The following PCSK5 variants were observed in gnomAD, a reference collection of about 807,000 sequenced individuals.
The protein encoded by PCSK5 is proprotein convertase subtilisin/kexin type 5, also known as prohormone convertase 5.
Under a neutral mutation model 233.2 loss-of-function variants are expected in PCSK5, and 129 were observed. That is an observed-to-expected ratio of 0.55 (90% CI 0.48 to 0.64). The LOEUF is 0.64. Among genes scored for constraint, PCSK5 ranks in the 30% least tolerant of loss-of-function variants. The probability of loss-of-function intolerance (pLI) is 0.00; values close to 1 mark genes in which losing one functional copy is unlikely to be tolerated. For synonymous variants in PCSK5, 825 were observed against 879.2 expected (o/e 0.94, Z 1.09); for missense variants, 2,076 against 2,430.1 (o/e 0.85, Z 3.06).
chr9:76,188,780 C>A (rs751666159), intron 18 of PCSK5, 105 bp downstream of exon 18: 1 of 796,048 alleles, frequency 1.3e-6, no homozygotes, highest in Non-Finnish European at 2.1e-6. Flanking sequence ...TAAAGTAATG[C>A]TGGAAAAGTT....
chr9:76,005,182 T>C (rs112689681), intron 3 of PCSK5, among the ~76,000 whole-genome samples: 6 of 152,344 alleles, frequency 3.9e-5, no homozygotes, highest in South Asian at 2.1e-4. Flanking sequence ...CACAAACTTA[T>C]GTACAATTTA....
At chr9:75,914,656 A>G (rs1410430413) in intron 1 of PCSK5, among the ~76,000 whole-genome samples, 2 of 152,288 alleles carry the variant, frequency 1.3e-5, no homozygotes, top group African/African-American at 4.8e-5. Context: ...AAGTTCTATT[A>G]TGAAAGCAGC....
At position 76,003,985 on chromosome 9, in the gene PCSK5, A is replaced by G. The variant is rs140181517; in HGVS notation, c.411+17740A>G. 2.9e-3 allele frequency among the ~76,000 whole-genome samples: 439 copies of G among 152,192 alleles called. 2 individuals carry two copies. Among genetic ancestry groups the G allele is most frequent in the African/African-American group, 0.01 (419 of 41,516 alleles). ...TAATTTTTTTATTTTTATTTTTTGT[A>G]GAGCAGGGTTTCGTGTTCCGTAGGT... On this transcript the variant is annotated intron_variant, in intron 3 of 37. Transcript: ENST00000674117.
intron 1 of PCSK5, among the ~76,000 whole-genome samples, chr9:75,926,074 G>A (rs1284702697): frequency 6.6e-6 from 1 of 152,076 alleles, no homozygotes; most frequent in Non-Finnish European, 1.5e-5. Context: ...TGAGCTGGCG[G>A]ACACATTCCA....
intron 16 of PCSK5, among the ~76,000 whole-genome samples, chr9:76,182,284 C>G (rs1189264131): frequency 6.6e-6 from 1 of 152,026 alleles, no homozygotes; most frequent in Non-Finnish European, 1.5e-5. Context: ...TGTATGATAT[C>G]AAAATATACT....
Position 75,994,363 on chromosome 9 carries a change from C to T in PCSK5, c.411+8118C>T, listed in dbSNP as rs1289523466. Among the ~76,000 whole-genome samples, 4 of 148,432 alleles carry T rather than the reference C, an allele frequency of 2.7e-5. 1 individual carries two copies. Among genetic ancestry groups the T allele is most frequent in the Middle Eastern group, 3.6e-3 (1 of 274 alleles). ...TACTACAACAGCTAGTTATCCGCCT[C>T]CCAACCTCCCAGTTTCTTTCTTTTC... is the stretch of plus-strand genomic sequence containing the variant. On this transcript the variant is annotated intron_variant, in intron 3 of 37. Transcript: ENST00000674117.
intron 7 of PCSK5, among the ~76,000 whole-genome samples, chr9:76,087,645 C>T (rs1339159013): frequency 1.3e-5 from 2 of 152,122 alleles, no homozygotes; most frequent in African/African-American, 4.8e-5. Context: ...TTGATATGCT[C>T]AGGAAGCACA....
intron 2 of PCSK5, among the ~76,000 whole-genome samples, chr9:75,957,612 CTG>C (rs1825150854): frequency 6.6e-6 from 1 of 152,148 alleles, no homozygotes; most frequent in African/African-American, 2.4e-5. Context: ...GAAATGGTGA[CTG>C]TAGTAGGATC....
chr9:75,936,975 TCTC>T (rs36102152), intron 2 of PCSK5, among the ~76,000 whole-genome samples: 40,476 of 151,858 alleles, frequency 0.27, 5,564 homozygotes, highest in East Asian at 0.45. Context: ...AGAACAGTAA[TCTC>T]CTTGTAAATT....
intron 24 of PCSK5, among the ~76,000 whole-genome samples, chr9:76,251,758 T>C (rs1826815625): frequency 6.6e-6 from 1 of 152,024 alleles, no homozygotes; most frequent in East Asian, 1.9e-4. Context: ...GGAATAGATA[T>C]AATAATTATT....
intron 26 of PCSK5, among the ~76,000 whole-genome samples, chr9:76,296,078 G>A (rs537538275): frequency 6.6e-6 from 1 of 152,260 alleles, no homozygotes; most frequent in African/African-American, 2.4e-5. Flanking sequence ...AAAGGACTTA[G>A]GTAAAGTGTT....
At chr9:76,044,185 C>A (rs1357547250) in intron 5 of PCSK5, among the ~76,000 whole-genome samples, 1 of 152,144 alleles carries the variant, frequency 6.6e-6, no homozygotes, top group Non-Finnish European at 1.5e-5. Context: ...ACGTAAGGAA[C>A]AACTTCAGAT....
intron 20 of PCSK5, among the ~76,000 whole-genome samples, chr9:76,200,089 TC>T (rs1824859126): frequency 2.0e-5 from 3 of 151,910 alleles, no homozygotes; most frequent in Admixed American, 6.6e-5. Flanking sequence ...CCCAGACTTC[TC>T]CCTCTCCTCT....
chr9:76,035,802 T>C (rs1361517399), intron 5 of PCSK5, among the ~76,000 whole-genome samples: 1 of 152,176 alleles, frequency 6.6e-6, no homozygotes, highest in Non-Finnish European at 1.5e-5. Context: ...TCTTGTTTCC[T>C]TATGTTTAGA....
At chr9:75,994,440 T>TGAGA (rs1222006417) in intron 3 of PCSK5, among the ~76,000 whole-genome samples, 4 of 103,860 alleles carry the variant, frequency 3.9e-5, no homozygotes, top group Non-Finnish European at 5.6e-5. Flanking sequence ...TTTTTTTTTT[T>TGAGA]TTGAGATGGA....
At chr9:76,034,650 C>T (rs1469910904) in intron 5 of PCSK5, among the ~76,000 whole-genome samples, 4 of 152,100 alleles carry the variant, frequency 2.6e-5, no homozygotes, top group Non-Finnish European at 5.9e-5. Flanking sequence ...TCTCTCATCC[C>T]GCATGGTATG....
At chr9:75,961,562 CTT>C (rs1283030739) in intron 2 of PCSK5, among the ~76,000 whole-genome samples, 2 of 151,564 alleles carry the variant, frequency 1.3e-5, no homozygotes, top group Non-Finnish European at 2.9e-5. Flanking sequence ...ACAACTGACA[CTT>C]GACTTATTAG....
chr9:76,037,467 T>C (rs947003891), intron 5 of PCSK5, among the ~76,000 whole-genome samples: 3 of 152,162 alleles, frequency 2.0e-5, no homozygotes, highest in Admixed American at 2.0e-4. Context: ...TTGTTAATAT[T>C]ATTACAGGTG....
chr9:75,986,905 A>C (rs1826539905), intron 3 of PCSK5, among the ~76,000 whole-genome samples: 2 of 152,326 alleles, frequency 1.3e-5, no homozygotes, highest in African/African-American at 4.8e-5. Context: ...TAGGGATTTT[A>C]GGTTCATGAT....
Sources: gnomAD v4.1 joint callset for allele counts (sites outside exome capture counted in the v4.1 genomes callset) on GRCh38, gnomAD v4.1.1 for gene constraint, MANE v1.5 for transcripts, NCBI Gene and HGNC (gene_info 2026-07-23, HGNC 2026-07-21) for gene names.